Variants in KCMF1 observed in about 807,000 individuals in gnomAD.
KCMF1 encodes potassium channel modulatory factor 1.
A neutral mutation model predicts 41.1 loss-of-function variants in KCMF1; 3 were observed. The ratio of observed to expected loss-of-function variants is 0.07; its 90% confidence interval spans 0.03 to 0.19. The LOEUF is 0.19. KCMF1 is among the 10% of genes least tolerant of loss of function. The probability of loss-of-function intolerance (pLI) is 1.00; values close to 1 mark genes in which losing one functional copy is unlikely to be tolerated. For synonymous variants in KCMF1, 142 were observed against 164.5 expected, an observed-to-expected ratio of 0.86 and a Z score of 1.04; for missense variants, 286 against 488.9, an observed-to-expected ratio of 0.58 and a Z score of 3.91.
chr2:85,056,770 T>A lies in KCMF1; in HGVS notation c.*3361T>A, dbSNP rs761475705. 2.7e-5 allele frequency: 4 copies of A among 147,278 alleles called. No homozygotes were observed. Among genetic ancestry groups the A allele is most frequent in the Non-Finnish European group, 6.0e-5 (4 of 67,064 alleles). The allele number at this position is 147,278 out of a possible 1,614,324, so 9.1% of individuals were successfully genotyped here. On this transcript the variant is annotated 3_prime_UTR_variant, in exon 7 of 7. Coordinates refer to ENST00000409785, the MANE Select transcript of KCMF1 (RefSeq NM_020122.5). ...ATGGAGGAATGGGTGCTAAAAGCTC[T>A]TAACAGTTTTGTAGAGAAGCCCTGC... is the stretch of plus-strand genomic sequence containing the variant.
intron 1 of KCMF1, among the ~76,000 whole-genome samples, chr2:84,972,834 A>T (rs1372850943): frequency 6.6e-6 from 1 of 152,234 alleles, no homozygotes; most frequent in Non-Finnish European, 1.5e-5. Flanking sequence ...AATATGAAAT[A>T]TACTATATTT....
At chr2:84,976,932 A>G (rs1673562262) in intron 1 of KCMF1, among the ~76,000 whole-genome samples, 1 of 152,168 alleles carries the variant, frequency 6.6e-6, no homozygotes, top group African/African-American at 2.4e-5. Context: ...TGAAATATGT[A>G]TACATTGTAG....
chr2:84,997,594 A>G (rs1254845635), intron 1 of KCMF1, among the ~76,000 whole-genome samples: 2 of 151,954 alleles, frequency 1.3e-5, no homozygotes, highest in African/African-American at 2.4e-5. Flanking sequence ...AAGGGAGGAG[A>G]CCTTTCTGAA....
chr2:85,036,209 C>G (rs1250475029), intron 3 of KCMF1, among the ~76,000 whole-genome samples: 1 of 152,156 alleles, frequency 6.6e-6, no homozygotes, highest in African/African-American at 2.4e-5. Context: ...GACATCAAGC[C>G]AAATTTTGCT....
chr2:85,036,313 T>C (rs1004156223), intron 3 of KCMF1, among the ~76,000 whole-genome samples: 23 of 152,370 alleles, frequency 1.5e-4, no homozygotes, highest in African/African-American at 5.5e-4. Flanking sequence ...TTATTCTTTT[T>C]ATTCTGTAAA....
intron 1 of KCMF1, among the ~76,000 whole-genome samples, chr2:85,001,569 C>T (rs1674329770): frequency 1.3e-5 from 2 of 152,178 alleles, no homozygotes; most frequent in African/African-American, 4.8e-5. Context: ...ATTGCATTTT[C>T]TGTGCATTGC....
At chr2:84,983,820 A>AT (rs1673828243) in intron 1 of KCMF1, among the ~76,000 whole-genome samples, 1 of 151,294 alleles carries the variant, frequency 6.6e-6, no homozygotes, top group East Asian at 2.0e-4. Context: ...TGACTTTTGT[A>AT]TTTTTTATAG....
At chr2:84,979,232 T>C (rs993483470) in intron 1 of KCMF1, among the ~76,000 whole-genome samples, 5 of 152,164 alleles carry the variant, frequency 3.3e-5, no homozygotes, top group Admixed American at 2.6e-4. Context: ...ATAATGTTTT[T>C]TAAATCACTT....
At chr2:85,007,795 A>T (rs1371914866) in intron 1 of KCMF1, among the ~76,000 whole-genome samples, 2 of 149,048 alleles carry the variant, frequency 1.3e-5, no homozygotes, top group African/African-American at 5.2e-5. Context: ...TTTTTGAGAC[A>T]GAGTCTCGTC....
Position 84,986,796 on chromosome 2 carries a change from C to T in KCMF1, c.16+15329C>T, listed in dbSNP as rs192964902. ...ACTCGGGAGGCTGAGGCAGGAGACT[C>T]GCTTGAACCCGAGAGGTGGAGGTTG... On this transcript the variant is annotated intron_variant, in intron 1 of 6. Transcript: ENST00000409785. Among the ~76,000 whole-genome samples, 183 of 152,028 alleles carry T rather than the reference C, an allele frequency of 1.2e-3. 1 individual carries two copies. Among genetic ancestry groups the T allele is most frequent in the African/African-American group, 4.1e-3 (169 of 41,480 alleles).
chr2:84,978,752 G>C (rs1167550695), intron 1 of KCMF1, among the ~76,000 whole-genome samples: 3 of 152,006 alleles, frequency 2.0e-5, no homozygotes, highest in Non-Finnish European at 4.4e-5. Flanking sequence ...TTTCGCTCCT[G>C]TTGCCCAGGC....
chr2:85,027,558 A>G lies in KCMF1; in HGVS notation c.17-331A>G, dbSNP rs976953531. On this transcript the variant is annotated intron_variant, in intron 1 of 6. Coordinates refer to ENST00000409785, the MANE Select transcript of KCMF1 (RefSeq NM_020122.5). ...CCCAGCTAATTTTTGCATTTTTAGTAGAGACGGGGTTTCAACATGTTGACC... is the reference window on the plus strand; with the variant it reads ...CCCAGCTAATTTTTGCATTTTTAGTGGAGACGGGGTTTCAACATGTTGACC... 2.0e-5 allele frequency among the ~76,000 whole-genome samples: 3 copies of G among 151,728 alleles called. No homozygotes were observed. In the East Asian group the frequency reaches 5.8e-4, roughly 29 times the overall value.
intron 1 of KCMF1, among the ~76,000 whole-genome samples, chr2:85,004,874 C>T (rs773862841): frequency 6.3e-4 from 95 of 151,942 alleles, no homozygotes; most frequent in Non-Finnish European, 2.8e-4. Flanking sequence ...TCACTCTTGT[C>T]GCCCAGGCTG....
intron 1 of KCMF1, among the ~76,000 whole-genome samples, chr2:85,011,149 A>T (rs1480971969): frequency 2.0e-5 from 3 of 151,906 alleles, no homozygotes; most frequent in African/African-American, 4.8e-5. Flanking sequence ...CCAGTCTATT[A>T]CTTTTATTAT....
intron 1 of KCMF1, among the ~76,000 whole-genome samples, chr2:84,987,214 A>G (rs865941237): frequency 5.3e-5 from 8 of 152,228 alleles, no homozygotes; most frequent in Non-Finnish European, 1.2e-4. Context: ...TTCTTTTCCC[A>G]TACAGATTGT....
chr2:84,988,942 T>C (rs1005781422), intron 1 of KCMF1, among the ~76,000 whole-genome samples: 4 of 152,182 alleles, frequency 2.6e-5, no homozygotes, highest in Non-Finnish European at 5.9e-5. Flanking sequence ...ATCTGGTAAA[T>C]CTTTATGGGC....
chr2:85,018,451 GTA>G, intron 1 of KCMF1, among the ~76,000 whole-genome samples: 1 of 151,992 alleles, frequency 6.6e-6, no homozygotes, highest in Non-Finnish European at 1.5e-5. Flanking sequence ...TGTATATTTA[GTA>G]GAGATGGGGT....
At chr2:85,024,547 GGAGAGTGAGAGA>G (rs996758773) in intron 1 of KCMF1, among the ~76,000 whole-genome samples, 1 of 140,392 alleles carries the variant, frequency 7.1e-6, no homozygotes, top group African/African-American at 2.8e-5. Flanking sequence ...TTTTTGATTT[GGAGAGTGAGAGA>G]GAGAGAGAGA....
chr2:84,998,867 C>T (rs2103986894), intron 1 of KCMF1, among the ~76,000 whole-genome samples: 1 of 151,828 alleles, frequency 6.6e-6, no homozygotes, highest in South Asian at 2.1e-4. Flanking sequence ...CCAACTCGGA[C>T]TCCCAAAGTG....
Sources: gnomAD v4.1 joint callset for allele counts (sites outside exome capture counted in the v4.1 genomes callset) on GRCh38, gnomAD v4.1.1 for gene constraint, MANE v1.5 for transcripts, NCBI Gene and HGNC (gene_info 2026-07-23, HGNC 2026-07-21) for gene names.